POLE: variants seen among roughly 807,000 people sequenced by gnomAD.
The protein encoded by POLE is DNA polymerase epsilon catalytic subunit A.
Under a neutral mutation model 279.2 loss-of-function variants are expected in POLE, and 188 were observed. The observed-to-expected ratio is 0.67, with a 90% CI of 0.60 to 0.76. The LOEUF is 0.76. POLE is among the 30% of genes least tolerant of loss of function. The pLI, the probability that POLE is intolerant of heterozygous loss-of-function variation, is 0.00. For missense variants in POLE, 2,703 were observed against 3,016.7 expected (o/e 0.90, Z 2.44); for synonymous variants, 1,214 against 1,172.5 (o/e 1.04, Z -0.72).
intron 33 of POLE, 103 bp from the exon 34 acceptor site, chr12:132,643,663 G>A (rs1006640846): frequency 3.6e-5 from 55 of 1,539,906 alleles, no homozygotes; most frequent in East Asian, 1.1e-4. Flanking sequence ...GCAGCTGCCC[G>A]GCCCACTGCC....
At position 132,643,363 on chromosome 12, in the gene POLE, G is replaced by A. The variant is rs5744942; in HGVS notation, c.4445-33C>T. 74,489 of 1,614,170 alleles carry A rather than the reference G, an allele frequency of 0.046. 2,409 individuals are homozygous for A. Among genetic ancestry groups the A allele is most frequent in the Admixed American group, 0.16 (9,527 of 60,026 alleles). On this transcript the variant is annotated intron_variant, in intron 34 of 48. Coordinates refer to ENST00000320574, the MANE Select transcript of POLE (RefSeq NM_006231.4). Reference sequence around the variant, plus strand: ...AGGAAACAAGACCGTCACCCCAGATGTGTGGGAGGCAGGCACATGATGGGC... The same window carrying A: ...AGGAAACAAGACCGTCACCCCAGATATGTGGGAGGCAGGCACATGATGGGC...
rs1359871633 is a variant in POLE at position 132,659,412 on chromosome 12, G to A, written c.3158C>T (p.Ser1053Phe). ...LEDYGEQKSTSISTAKRLAEF... is the reference protein window; with the variant it reads ...LEDYGEQKSTFISTAKRLAEF... The stretch of plus-strand genomic sequence containing the variant: ...GGCCAGGCGCTTTGCTGTGCTGATG[G>A]ACGTAGACTTCTGCTCCCCGTAATC... Residue 1053 changes from serine to phenylalanine, a missense_variant, in exon 26 of 49, where the codon TCC (serine) becomes TTC (phenylalanine). Transcript: ENST00000320574. The A allele has an allele frequency of 6.2e-7, 1 of 1,614,200 alleles. No individual in the cohort carries two copies. Among genetic ancestry groups the A allele is most frequent in the Admixed American group, 1.7e-5 (1 of 60,028 alleles).
chr12:132,637,866 T>A, intron 41 of POLE, 148 bp downstream of exon 41: 1 of 835,936 alleles, frequency 1.2e-6, no homozygotes, highest in Non-Finnish European at 1.8e-6. Flanking sequence ...GGTAACCCCC[T>A]TTTCACGCTG....
chr12:132,652,123 C>T (rs1288214770), intron 29 of POLE, among the ~76,000 whole-genome samples: 1 of 152,116 alleles, frequency 6.6e-6, no homozygotes, highest in African/African-American at 2.4e-5. Context: ...CAGTAATGAG[C>T]TCCCATGTTC....
At chr12:132,652,779 G>A (rs2042451595) in intron 29 of POLE, among the ~76,000 whole-genome samples, 1 of 152,136 alleles carries the variant, frequency 6.6e-6, no homozygotes. Flanking sequence ...CTCCCAATCG[G>A]CTCTACTGCT....
chr12:132,685,688 T>C (rs552539731), intron 1 of POLE, among the ~76,000 whole-genome samples: 1 of 152,302 alleles, frequency 6.6e-6, no homozygotes, highest in East Asian at 1.9e-4. Context: ...AGTAACCGTC[T>C]CTAAGCTCCA....
intron 7 of POLE, 53 bp from the exon 8 acceptor site, chr12:132,677,496 C>T (rs2043080682): frequency 5.0e-6 from 8 of 1,609,184 alleles, no homozygotes; most frequent in Non-Finnish European, 6.8e-6. Context: ...AAAGTCTATT[C>T]TTCTGTGGAT....
chr12:132,641,396 ACT>A (rs996875145), intron 39 of POLE: 23 of 556,434 alleles, frequency 4.1e-5, no homozygotes, highest in African/African-American at 3.4e-4. Flanking sequence ...GGTTAGAAAG[ACT>A]CTGTGTGAAG....
At position 132,642,921 on chromosome 12, in the gene POLE, G is replaced by T. The variant is rs758489411; in HGVS notation, c.4627C>A (p.Pro1543Thr). Reference sequence around the variant, plus strand: ...TGTTTGGGGGGTGGCAGGAGCTCAGGGCCCACCTTCTCCAGGAGGAGGCCG... The same window carrying T: ...TGTTTGGGGGGTGGCAGGAGCTCAGTGCCCACCTTCTCCAGGAGGAGGCCG... The part of the protein sequence containing the change: ...EHGLLLEKVG[P>T]ELLPPPKHTF... Residue 1543 changes from proline to threonine, a missense_variant, in exon 36 of 49, where the codon CCT (proline) becomes ACT (threonine). By Grantham distance (38) the Pro-to-Thr change is conservative (BLOSUM62 -1). Transcript: ENST00000320574. 2.5e-6 allele frequency: 4 copies of T among 1,612,776 alleles called. No homozygotes were observed. Among genetic ancestry groups the T allele is most frequent in the Non-Finnish European group, 3.4e-6 (4 of 1,179,616 alleles).
chr12:132,643,945 G>C lies in POLE; in HGVS notation c.4182C>G (p.Val1394=), dbSNP rs1329622384. Residue 1394 remains valine (V), a synonymous_variant, in exon 33 of 49, where the codon GTC becomes GTG. Coordinates refer to ENST00000320574, the MANE Select transcript of POLE (RefSeq NM_006231.4). ...VNRVLPRSNM[V]YNLYEYSVPE... Reference sequence around the variant, plus strand: ...GCACTGAATACTCATAGAGATTGTAGACCATGTTGGAGCGAGGAAGGACCC... The same window carrying C: ...GCACTGAATACTCATAGAGATTGTACACCATGTTGGAGCGAGGAAGGACCC... 6.2e-7 allele frequency: 1 copy of C among 1,613,936 alleles called. No individual in the cohort carries two copies. The highest frequency in any genetic ancestry group is 1.3e-5 in the African/African-American group (1 of 75,042).
In POLE at chr12:132,659,369, C is replaced by G. The variant is rs1305473259; in HGVS notation, c.3201G>C (p.Gln1067His). The G allele has an allele frequency of 6.2e-7, 1 of 1,614,256 alleles. No individual in the cohort carries two copies. Among genetic ancestry groups the G allele is most frequent in the Non-Finnish European group, 8.5e-7 (1 of 1,180,050 alleles). Residue 1067 changes from glutamine to histidine, a missense_variant, in exon 26 of 49, where the codon CAG becomes CAC. Around this residue, in one of 5 missense-constraint regions of POLE, gnomAD observed 1,551 missense variants for 1,686.1 expected, o/e 0.92. Transcript: ENST00000320574. Reference protein sequence around the residue: ...AKRLAEFLGDQMVKDAGLSCR... With the variant: ...AKRLAEFLGDHMVKDAGLSCR... ...AACTCAGCCCTGCATCCTTGACCATCTGGTCTCCCAGGAACTCGGCCAGGC... is the reference window on the plus strand; with the variant it reads ...AACTCAGCCCTGCATCCTTGACCATGTGGTCTCCCAGGAACTCGGCCAGGC...
Position 132,624,378 on chromosome 12 carries a change from TGTG to T in POLE, c.*316_*318del, listed in dbSNP as rs2041786985. On this transcript the variant is annotated 3_prime_UTR_variant, in exon 49 of 49. Transcript: ENST00000320574. ...TAGAGGACGCTCCCACCCCACCAGG[TGTG>T]GTGCAGGAAGCAACAGAGGCCTGGA... 2.3e-6 allele frequency: 1 copy of T among 427,456 alleles called. No individual in the cohort carries two copies. Among genetic ancestry groups the T allele is most frequent in the East Asian group, 4.0e-5 (1 of 25,256 alleles). 26.5% of individuals were successfully genotyped at this position (427,456 alleles called of 1,614,324 possible).
intron 29 of POLE, among the ~76,000 whole-genome samples, chr12:132,652,314 C>CTT (rs11449205): frequency 0.011 from 1,250 of 111,088 alleles, 23 homozygotes; most frequent in African/African-American, 0.026. Context: ...TTGTAGTTTC[C>CTT]TTTTTTTTTT....
At chr12:132,665,479 C>T in intron 20 of POLE, 29 bp from the exon 21 acceptor site, 1 of 1,582,562 alleles carries the variant, frequency 6.3e-7, no homozygotes, top group Non-Finnish European at 8.6e-7. Context: ...TGGAGCACCT[C>T]ACAGATTCTT....
chr12:132,627,101 T>G (rs2041854970), intron 45 of POLE, among the ~76,000 whole-genome samples: 1 of 152,150 alleles, frequency 6.6e-6, no homozygotes, highest in Non-Finnish European at 1.5e-5. Flanking sequence ...GCCAACACAG[T>G]GAAACCCCAT....
Position 132,625,982 on chromosome 12 carries a change from C to T in POLE, c.6531+135G>A. On this transcript the variant is annotated intron_variant, in intron 46 of 48. Transcript: ENST00000320574. ...GGTGTGGGGAGGCCTGGGAAGGGGC[C>T]TGTTGCCAATCCATGTGAGTCAGAG... The T allele has an allele frequency of 2.7e-6, 3 of 1,115,992 alleles. No individual in the cohort carries two copies. The Admixed American group carries it at 6.4e-5, about 24-fold the overall frequency. The allele number at this position is 1,115,992 out of a possible 1,614,324, so 69.1% of individuals were successfully genotyped here.
rs1555222373 is a variant in POLE, at chr12:132,641,841, C to T, written c.5184G>A (p.Glu1728=). ...SSGCYSTVCV[E]LDLQNLAVNT... is the part of the protein sequence containing the mutation. The stretch of plus-strand genomic sequence containing the variant: ...TGACGGCCAGGTTCTGAAGGTCCAG[C>T]TCCACACACACTGCACAGGAAGACG... Residue 1728 remains glutamate, a synonymous_variant, in exon 39 of 49, where the codon GAG becomes GAA. Coordinates refer to ENST00000320574, the MANE Select transcript of POLE (RefSeq NM_006231.4). 6.2e-7 allele frequency: 1 copy of T among 1,600,132 alleles called. No individual in the cohort carries two copies.
Position 132,639,128 on chromosome 12 carries a change from A to G in POLE, c.5549T>C (p.Leu1850Pro), listed in dbSNP as rs1565932919. 1 of 1,614,024 alleles carries G rather than the reference A, an allele frequency of 6.2e-7. No homozygotes were observed. The highest frequency in any genetic ancestry group is 8.5e-7 in the Non-Finnish European group (1 of 1,179,918). The change falls in exon 40 of 49, where the codon CTG (leucine) becomes CCG (proline). Residue 1850 changes from leucine to proline, a missense_variant. Leu to Pro is a moderately conservative substitution (Grantham distance 98). Around this residue, in one of 5 missense-constraint regions of POLE, gnomAD observed 1,551 missense variants for 1,686.1 expected, o/e 0.92. Coordinates refer to ENST00000320574, the MANE Select transcript of POLE (RefSeq NM_006231.4). The surrounding 1 kb of genome is among the most constrained non-coding windows in gnomAD (Gnocchi z 4.7). ...CCCAGGGAGGAGGAGCACTCACTGCAGGAAGAGCTTCTTCATCATGTTGTG... is the reference window on the plus strand; with the variant it reads ...CCCAGGGAGGAGGAGCACTCACTGCGGGAAGAGCTTCTTCATCATGTTGTG... The part of the protein sequence containing the change: ...TLHNMMKKLF[L>P]QLIAEFKRLG...
At chr12:132,681,342 T>A (rs2043164200) in intron 1 of POLE, 63 bp from the exon 2 acceptor site, 6 of 1,522,312 alleles carry the variant, frequency 3.9e-6, no homozygotes, top group Non-Finnish European at 5.4e-6. Flanking sequence ...CTTCTTTTTT[T>A]CTTTTTTTTC....
Sources: allele counts gnomAD v4.1 joint callset (sites outside exome capture counted in the v4.1 genomes callset), GRCh38; gene constraint gnomAD v4.1.1; regional missense constraint gnomAD v4.1.1; non-coding constraint Gnocchi (gnomAD v3.1); transcripts MANE v1.5; gene names NCBI Gene and HGNC (gene_info 2026-07-23, HGNC 2026-07-21).